ALDH1A1: variants seen among roughly 807,000 people sequenced by gnomAD.
ALDH1A1 encodes the protein aldehyde dehydrogenase 1 family member A1.
ALDH1A1 carries 19 observed loss-of-function variants against 62.1 expected under a neutral mutation model. The observed-to-expected ratio is 0.31, with a 90% CI of 0.21 to 0.45. The LOEUF (loss-of-function observed/expected upper bound fraction) is 0.45. Ranked by LOEUF, ALDH1A1 falls within the 20% of genes least tolerant of loss-of-function variation. The pLI is 1.00. For missense variants in ALDH1A1, 521 were observed against 607.1 expected, an observed-to-expected ratio of 0.86 and a Z score of 1.49; for synonymous variants, 231 against 215.9, an observed-to-expected ratio of 1.07 and a Z score of -0.61.
intron 7 of ALDH1A1, among the ~76,000 whole-genome samples, chr9:72,921,503 C>CTTTTTTTTTTTTTTTTTCTTTTTTTT (rs1830143542): frequency 9.1e-6 from 1 of 109,506 alleles, no homozygotes; most frequent in Non-Finnish European, 1.8e-5. Context: ...ACATTTAATT[C>CTTTTTTTTTTTTTTTTTCTTTTTTTT]TTTTTTTTTT....
At chr9:72,926,220 A>C (rs2118534032) in intron 5 of ALDH1A1, among the ~76,000 whole-genome samples, 1 of 152,322 alleles carries the variant, frequency 6.6e-6, no homozygotes, top group Non-Finnish European at 1.5e-5. Context: ...ACCAAGAAAG[A>C]GGGCCAGGGG....
intron 11 of ALDH1A1, 79 bp from the exon 12 acceptor site, chr9:72,906,111 G>T: frequency 9.8e-7 from 1 of 1,019,782 alleles, no homozygotes; most frequent in South Asian, 1.6e-5. Context: ...TTAGAAATTT[G>T]GAAAGCTCCT....
At chr9:72,916,899 T>A in intron 9 of ALDH1A1, 21 bp downstream of exon 9, 1 of 1,554,522 alleles carries the variant, frequency 6.4e-7, no homozygotes, top group South Asian at 1.2e-5. Flanking sequence ...GAAAATGCTA[T>A]CCTTTCTATT....
chr9:72,932,228 A>T, intron 2 of ALDH1A1, among the ~76,000 whole-genome samples: 1 of 152,200 alleles, frequency 6.6e-6, no homozygotes, highest in Non-Finnish European at 1.5e-5. Flanking sequence ...CAGGAGACAC[A>T]ATTCCCTTTA....
chr9:72,940,282 G>T, intron 1 of ALDH1A1, 30 bp from the exon 2 acceptor site: 1 of 1,554,160 alleles, frequency 6.4e-7, no homozygotes, highest in Non-Finnish European at 8.9e-7. Context: ...ATACATACAA[G>T]GCGCTTAAAT....
At chr9:72,932,288 G>A (rs535618203) in intron 2 of ALDH1A1, among the ~76,000 whole-genome samples, 2 of 152,218 alleles carry the variant, frequency 1.3e-5, no homozygotes, top group African/African-American at 4.8e-5. Flanking sequence ...TTAAAAAATT[G>A]TACACAATTA....
intron 9 of ALDH1A1, among the ~76,000 whole-genome samples, chr9:72,916,371 A>G (rs1830064281): frequency 6.6e-6 from 1 of 152,208 alleles, no homozygotes; most frequent in South Asian, 2.1e-4. Context: ...AAAGTCTACA[A>G]AGAAAACTGA....
intron 11 of ALDH1A1, among the ~76,000 whole-genome samples, chr9:72,907,739 T>C (rs1446910806): frequency 6.6e-6 from 1 of 152,232 alleles, no homozygotes; most frequent in Non-Finnish European, 1.5e-5. Flanking sequence ...AAGGTATGCG[T>C]AAGATTGCGT....
At chr9:72,924,259 C>T in intron 6 of ALDH1A1, 127 bp from the exon 7 acceptor site, 1 of 607,024 alleles carries the variant, frequency 1.6e-6, no homozygotes, top group East Asian at 3.0e-5. Flanking sequence ...ATTCACCCAA[C>T]TGGCTCTATT....
intron 5 of ALDH1A1, among the ~76,000 whole-genome samples, chr9:72,926,505 T>TA (rs370806666): frequency 1.3e-5 from 2 of 152,200 alleles, no homozygotes; most frequent in East Asian, 1.9e-4. Context: ...TTGTTGGGCT[T>TA]AAAAAATCTT....
At position 72,902,355 on chromosome 9, in the gene ALDH1A1, T is replaced by A. The variant is rs183418171; in HGVS notation, c.1434-1075A>T. Reference sequence around the variant, plus strand: ...CATGTAGGCTTACAGAAGAATAAGATCTTGATCCTTTTTTACCCCTCCCTT... The same window carrying A: ...CATGTAGGCTTACAGAAGAATAAGAACTTGATCCTTTTTTACCCCTCCCTT... On this transcript the variant is annotated intron_variant, in intron 12 of 12. Transcript: ENST00000297785. Among the ~76,000 whole-genome samples, 260 of 152,090 alleles carry A rather than the reference T, an allele frequency of 1.7e-3. 2 individuals are homozygous for A. Among genetic ancestry groups the A allele is most frequent in the Non-Finnish European group, 2.1e-4 (14 of 67,888 alleles).
At chr9:72,925,973 T>C (rs1830200170) in intron 5 of ALDH1A1, among the ~76,000 whole-genome samples, 1 of 152,224 alleles carries the variant, frequency 6.6e-6, no homozygotes, top group Non-Finnish European at 1.5e-5. Flanking sequence ...CCATAAGTCA[T>C]TTATTGTAAT....
chr9:72,929,141 C>G, intron 3 of ALDH1A1, 120 bp from the exon 4 acceptor site: 1 of 1,078,436 alleles, frequency 9.3e-7, no homozygotes, highest in Non-Finnish European at 1.3e-6. Flanking sequence ...ATCTTGTCAT[C>G]TTGTCTAACC....
At chr9:72,947,326 A>G (rs1198861038) in intron 1 of ALDH1A1, among the ~76,000 whole-genome samples, 2 of 151,984 alleles carry the variant, frequency 1.3e-5, no homozygotes, top group African/African-American at 4.8e-5. Flanking sequence ...TGGAAGCTCT[A>G]TTGTGAAGTA....
chr9:72,932,663 G>C (rs1489803287), intron 2 of ALDH1A1, among the ~76,000 whole-genome samples: 1 of 152,026 alleles, frequency 6.6e-6, no homozygotes, highest in African/African-American at 2.4e-5. Flanking sequence ...GTGCATATTT[G>C]CGGCATTCAG....
At chr9:72,943,227 G>A (rs1830437427) in intron 1 of ALDH1A1, among the ~76,000 whole-genome samples, 1 of 152,090 alleles carries the variant, frequency 6.6e-6, no homozygotes, top group South Asian at 2.1e-4. Flanking sequence ...ATTACATTTT[G>A]CTAGGCCTGT....
chr9:72,918,977 G>A (rs775374448), intron 7 of ALDH1A1, among the ~76,000 whole-genome samples, 155 bp from the exon 8 acceptor site: 1 of 151,990 alleles, frequency 6.6e-6, no homozygotes, highest in Non-Finnish European at 1.5e-5. Flanking sequence ...GTCTCACACT[G>A]TCGACTGGGC....
chr9:72,949,660 T>C (rs1433555502), intron 1 of ALDH1A1, among the ~76,000 whole-genome samples: 7 of 142,966 alleles, frequency 4.9e-5, no homozygotes, highest in Non-Finnish European at 1.1e-4. Flanking sequence ...TGTGTGTGTG[T>C]GTGCGTGTGT....
intron 12 of ALDH1A1, 58 bp downstream of exon 12, chr9:72,905,898 TGG>T: frequency 7.2e-7 from 1 of 1,383,324 alleles, no homozygotes; most frequent in Non-Finnish European, 9.9e-7. Context: ...GTTAATTCCC[TGG>T]GAATGAAAAT....
Sources: allele counts gnomAD v4.1 joint callset (sites outside exome capture counted in the v4.1 genomes callset), GRCh38; gene constraint gnomAD v4.1.1; transcripts MANE v1.5; gene names NCBI Gene and HGNC (gene_info 2026-07-23, HGNC 2026-07-21).